The following DHX9 variants were observed in gnomAD, a reference collection of about 807,000 sequenced individuals.
DHX9 encodes DExH-box helicase 9, also known as ATP-dependent RNA helicase A.
DHX9 carries 27 observed loss-of-function variants against 148.7 expected under a neutral mutation model. That is an observed-to-expected ratio of 0.18 (90% CI 0.13 to 0.25). DHX9 has a LOEUF of 0.25. DHX9 is among the 10% of genes least tolerant of loss of function. The pLI, the probability that DHX9 is intolerant of heterozygous loss-of-function variation, is 1.00. For missense variants in DHX9, 796 were observed against 1,559.6 expected, an observed-to-expected ratio of 0.51 and a Z score of 8.25; for synonymous variants, 529 against 516.6, an observed-to-expected ratio of 1.02 and a Z score of -0.33.
chr1:182,846,107 C>T (rs1046467369), intron 3 of DHX9, among the ~76,000 whole-genome samples: 1 of 152,198 alleles, frequency 6.6e-6, no homozygotes, highest in African/African-American at 2.4e-5. Flanking sequence ...TGACCATCCC[C>T]CCACACCTGA....
chr1:182,880,344 G>A (rs1403260658), intron 21 of DHX9, among the ~76,000 whole-genome samples, 153 bp from the exon 22 acceptor site: 2 of 152,142 alleles, frequency 1.3e-5, no homozygotes, highest in Non-Finnish European at 2.9e-5. Flanking sequence ...CTATTTTTGA[G>A]TACAGAGAAT....
At chr1:182,866,810 C>A in intron 13 of DHX9, 151 bp from the exon 14 acceptor site, 1 of 754,412 alleles carries the variant, frequency 1.3e-6, no homozygotes, top group Non-Finnish European at 2.1e-6. Flanking sequence ...AACTATATTT[C>A]ATAGTACACT....
At chr1:182,883,991 T>A (rs1649207317) in intron 26 of DHX9, among the ~76,000 whole-genome samples, 1 of 152,160 alleles carries the variant, frequency 6.6e-6, no homozygotes, top group South Asian at 2.1e-4. Flanking sequence ...AATGCCAGTA[T>A]TCTGGGTCTC....
At chr1:182,844,688 C>A (rs1667995961) in intron 3 of DHX9, among the ~76,000 whole-genome samples, 1 of 152,204 alleles carries the variant, frequency 6.6e-6, no homozygotes. Context: ...CACCTGCCAA[C>A]ATGCCCAGCT....
chr1:182,848,080 C>T (rs1668064585), intron 3 of DHX9, among the ~76,000 whole-genome samples: 1 of 152,128 alleles, frequency 6.6e-6, no homozygotes, highest in Admixed American at 6.5e-5. Context: ...CTTCATAGGT[C>T]TTCAAATAAG....
chr1:182,853,376 G>A lies in DHX9; in HGVS notation c.435G>A (p.Leu145=). 1.2e-6 allele frequency: 2 copies of A among 1,614,078 alleles called. No homozygotes were observed. Among genetic ancestry groups the A allele is most frequent in the Non-Finnish European group, 1.7e-6 (2 of 1,179,978 alleles). Residue 145 remains leucine (L), a synonymous_variant, in exon 5 of 28, where the codon TTG becomes TTA. Transcript: ENST00000367549. ...CCACCTGGGACCGAGGAGCCAACTT[G>A]AAGGATTACTACTCAAGAAAGGAAG... ...PGPTWDRGAN[L]KDYYSRKEEQ...
intron 7 of DHX9, among the ~76,000 whole-genome samples, chr1:182,857,752 T>G (rs1254368696): frequency 6.6e-6 from 1 of 152,234 alleles, no homozygotes; most frequent in African/African-American, 2.4e-5. Flanking sequence ...CCAATTACTT[T>G]TACTGGTTTA....
intron 12 of DHX9, among the ~76,000 whole-genome samples, chr1:182,865,302 G>C (rs1648245933): frequency 6.6e-6 from 1 of 152,178 alleles, no homozygotes; most frequent in Non-Finnish European, 1.5e-5. Context: ...GGTAACTGAG[G>C]TGCAGAGCAC....
Position 182,872,457 on chromosome 1 carries a change from A to G in DHX9, c.1678A>G (p.Ile560Val). Residue 560 changes from isoleucine (I) to valine (V), a missense_variant, in exon 15 of 28, where the codon ATC (isoleucine) becomes GTC (valine). Physicochemically the swap from Ile to Val is conservative, Grantham distance 29 (BLOSUM62 3). Coordinates refer to ENST00000367549, the MANE Select transcript of DHX9 (RefSeq NM_001357.5). Reference protein sequence around the residue: ...MFCEYFFNCPIIEVYGRTYPV... With the variant: ...MFCEYFFNCPVIEVYGRTYPV... Reference sequence around the variant, plus strand: ...TTGTGAATATTTCTTCAATTGCCCCATCATTGAAGTTTATGGGAGGACTTA... The same window carrying G: ...TTGTGAATATTTCTTCAATTGCCCCGTCATTGAAGTTTATGGGAGGACTTA... 1 of 1,614,028 alleles carries G rather than the reference A, an allele frequency of 6.2e-7. No homozygotes were observed. Among genetic ancestry groups the G allele is most frequent in the Non-Finnish European group, 8.5e-7 (1 of 1,179,958 alleles).
intron 24 of DHX9, among the ~76,000 whole-genome samples, chr1:182,882,880 A>T (rs55908095): frequency 0.095 from 14,268 of 150,540 alleles, 1,007 homozygotes; most frequent in African/African-American, 0.19. Context: ...AAAAAAAAAA[A>T]GTAATCACCC....
chr1:182,842,217 G>A (rs1452490295), intron 1 of DHX9, among the ~76,000 whole-genome samples: 3 of 152,196 alleles, frequency 2.0e-5, no homozygotes, highest in South Asian at 2.1e-4. Flanking sequence ...TAAGGTGCCC[G>A]TTGTAGAATA....
chr1:182,885,966 C>G (rs550732189), intron 27 of DHX9, among the ~76,000 whole-genome samples: 1 of 151,844 alleles, frequency 6.6e-6, no homozygotes, highest in African/African-American at 2.4e-5. Context: ...GATAACAGTC[C>G]GGAAACTAGA....
In DHX9 at chr1:182,853,313, T is replaced by C. The variant is rs1416757645; in HGVS notation, c.372T>C (p.Asn124=). 1.2e-6 allele frequency: 2 copies of C among 1,609,090 alleles called. No individual in the cohort carries two copies. The highest frequency in any genetic ancestry group is 2.7e-5 in the African/African-American group (2 of 74,434). Reference sequence around the variant, plus strand: ...TTTTTTTTCTTTTAACAGAAAATAATTCTGAGGTAGGGGCCTCTGGCTATG... The same window carrying C: ...TTTTTTTTCTTTTAACAGAAAATAACTCTGAGGTAGGGGCCTCTGGCTATG... ...PPHLALKAEN[N]SEVGASGYGV... is the part of the protein sequence containing the mutation. Residue 124 remains asparagine (N), a synonymous_variant, in exon 5 of 28, where the codon AAT becomes AAC. Transcript: ENST00000367549.
chr1:182,858,490 G>T, intron 8 of DHX9, 61 bp from the exon 9 acceptor site: 1 of 1,415,672 alleles, frequency 7.1e-7, no homozygotes, highest in Non-Finnish European at 9.8e-7. Context: ...TGACTGTATA[G>T]TCTTAGCCCC....
At chr1:182,874,497 A>G (rs74129614) in intron 15 of DHX9, among the ~76,000 whole-genome samples, 14,584 of 152,236 alleles carry the variant, frequency 0.096, 1,045 homozygotes, top group African/African-American at 0.19. Flanking sequence ...GTGCATACTG[A>G]TAGAGGAAGG....
intron 6 of DHX9, 84 bp downstream of exon 6, chr1:182,854,262 G>C: frequency 1.6e-6 from 2 of 1,263,490 alleles, no homozygotes; most frequent in South Asian, 1.8e-5. Context: ...ATTTTTGTAC[G>C]TTGTCTGGTT....
chr1:182,861,845 G>A (rs796817607), intron 12 of DHX9, among the ~76,000 whole-genome samples: 4 of 152,242 alleles, frequency 2.6e-5, no homozygotes, highest in African/African-American at 9.6e-5. Flanking sequence ...CCTCTTACCT[G>A]TAACAAGTCT....
intron 12 of DHX9, among the ~76,000 whole-genome samples, chr1:182,865,272 C>A (rs183674170): frequency 5.9e-5 from 9 of 152,294 alleles, no homozygotes; most frequent in Admixed American, 3.3e-4. Context: ...CTCATACTTT[C>A]ATGTAACGCT....
At position 182,853,315 on chromosome 1, in the gene DHX9, C is replaced by A; in HGVS notation, c.374C>A (p.Ser125Tyr). 6.2e-7 allele frequency: 1 copy of A among 1,608,560 alleles called. No homozygotes were observed. The highest frequency in any genetic ancestry group is 8.5e-7 in the Non-Finnish European group (1 of 1,178,092). Residue 125 changes from serine to tyrosine, a missense_variant, in exon 5 of 28, where the codon TCT (serine) becomes TAT (tyrosine). This residue lies in a region of DHX9 where 89 missense variants were observed against 77.5 expected (regional missense o/e 1.15). Coordinates refer to ENST00000367549, the MANE Select transcript of DHX9 (RefSeq NM_001357.5). ...TTTTTTCTTTTAACAGAAAATAATT[C>A]TGAGGTAGGGGCCTCTGGCTATGGT... is the stretch of plus-strand genomic sequence containing the variant. Reference protein sequence around the residue: ...PHLALKAENNSEVGASGYGVP... With the variant: ...PHLALKAENNYEVGASGYGVP...
Sources: allele counts gnomAD v4.1 joint callset (sites outside exome capture counted in the v4.1 genomes callset), GRCh38; gene constraint gnomAD v4.1.1; regional missense constraint gnomAD v4.1.1; transcripts MANE v1.5; gene names NCBI Gene and HGNC (gene_info 2026-07-23, HGNC 2026-07-21).